TNFSF4: variants seen among roughly 807,000 people sequenced by gnomAD.
TNFSF4 encodes tumor necrosis factor ligand superfamily member 4.
A neutral mutation model predicts 7.3 loss-of-function variants in TNFSF4; 4 were observed. The ratio of observed to expected loss-of-function variants is 0.55; its 90% CI spans 0.27 to 1.25. The LOEUF is 1.25. Among genes scored for constraint, TNFSF4 ranks in the 50% most tolerant of loss-of-function variants. The pLI is 0.12. For missense variants in TNFSF4, 181 were observed against 208.8 expected (o/e 0.87, Z 0.82); for synonymous variants, 76 against 83.7 (o/e 0.91, Z 0.50).
the TNFSF4 span, chr1:173,442,067 A>G: frequency 2.0e-5 from 3 of 152,244 alleles, no homozygotes; most frequent in South Asian, 4.1e-4. Context: ...TAAGAAGCCA[A>G]TGTTGTGCTG....
chr1:173,242,925 T>C, the TNFSF4 span, among the ~76,000 whole-genome samples: 1 of 142,374 alleles, frequency 7.0e-6, no homozygotes, highest in Non-Finnish European at 1.5e-5. Flanking sequence ...TTTGTTATAT[T>C]AGAAAGCTAA....
chr1:173,346,416 T>C, the TNFSF4 span, among the ~76,000 whole-genome samples: 1 of 152,010 alleles, frequency 6.6e-6, no homozygotes, highest in African/African-American at 2.4e-5. Flanking sequence ...AAAGGAGAGG[T>C]CTAAAATAAA....
the TNFSF4 span, among the ~76,000 whole-genome samples, chr1:173,322,297 G>T: frequency 6.6e-6 from 1 of 152,062 alleles, no homozygotes; most frequent in African/African-American, 2.4e-5. Context: ...GAAGCGTCTA[G>T]GTTTTAAGCC....
the TNFSF4 span, among the ~76,000 whole-genome samples, chr1:173,261,372 G>C: frequency 6.6e-6 from 1 of 152,108 alleles, no homozygotes; most frequent in South Asian, 2.1e-4. Flanking sequence ...ATATCAAAAA[G>C]CTAGAAAGAT....
At chr1:173,288,184 A>AATAG in the TNFSF4 span, among the ~76,000 whole-genome samples, 2 of 152,150 alleles carry the variant, frequency 1.3e-5, no homozygotes, top group African/African-American at 4.8e-5. Context: ...GGTGGCTTGC[A>AATAG]CCTGTAATCC....
chr1:173,347,459 G>C, the TNFSF4 span, among the ~76,000 whole-genome samples: 1 of 152,126 alleles, frequency 6.6e-6, no homozygotes, highest in African/African-American at 2.4e-5. Context: ...GCCACACACT[G>C]GGAATGAGAC....
At chr1:173,241,952 A>T in the TNFSF4 span, among the ~76,000 whole-genome samples, 1 of 152,236 alleles carries the variant, frequency 6.6e-6, no homozygotes, top group Non-Finnish European at 1.5e-5. Flanking sequence ...GACATCTGAC[A>T]AGAGTAGGGG....
the TNFSF4 span, among the ~76,000 whole-genome samples, chr1:173,364,097 A>G: frequency 6.6e-6 from 1 of 152,082 alleles, no homozygotes; most frequent in Non-Finnish European, 1.5e-5. Flanking sequence ...GTGTACAAAG[A>G]TATTTTTATG....
chr1:173,291,619 C>T, the TNFSF4 span, among the ~76,000 whole-genome samples: 2 of 152,032 alleles, frequency 1.3e-5, no homozygotes, highest in African/African-American at 2.4e-5. Flanking sequence ...CAACCACAAA[C>T]ATAGCTTAAG....
chr1:173,359,396 C>T, the TNFSF4 span, among the ~76,000 whole-genome samples: 603 of 145,240 alleles, frequency 4.2e-3, 3 homozygotes, highest in African/African-American at 0.014. Flanking sequence ...GATTTTAAAA[C>T]ACAGTTCTTA....
the TNFSF4 span, among the ~76,000 whole-genome samples, chr1:173,410,322 C>G: frequency 6.6e-6 from 1 of 152,190 alleles, no homozygotes; most frequent in African/African-American, 2.4e-5. Flanking sequence ...ATGTCTGACA[C>G]CCACAAACCA....
At chr1:173,450,264 T>C in the TNFSF4 span, among the ~76,000 whole-genome samples, 6 of 152,170 alleles carry the variant, frequency 3.9e-5, no homozygotes, top group African/African-American at 4.8e-5. Flanking sequence ...TATATATGTA[T>C]GTATAACTTT....
At chr1:173,311,702 A>G in the TNFSF4 span, among the ~76,000 whole-genome samples, 1 of 152,058 alleles carries the variant, frequency 6.6e-6, no homozygotes, top group South Asian at 2.1e-4. Context: ...TCAACCAGGT[A>G]GAGCATACCA....
At chr1:173,368,253 C>A in the TNFSF4 span, among the ~76,000 whole-genome samples, 1 of 152,112 alleles carries the variant, frequency 6.6e-6, no homozygotes. Context: ...TTTCACTCTT[C>A]ACAATAAACT....
chr1:173,306,347 T>C, the TNFSF4 span, among the ~76,000 whole-genome samples: 1 of 137,268 alleles, frequency 7.3e-6, no homozygotes, highest in Non-Finnish European at 1.7e-5. Flanking sequence ...TGAGAAAAGA[T>C]GGGGGTAATC....
At chr1:173,315,921 T>C in the TNFSF4 span, among the ~76,000 whole-genome samples, 1 of 152,222 alleles carries the variant, frequency 6.6e-6, no homozygotes, top group South Asian at 2.1e-4. Flanking sequence ...TTTGCTTATT[T>C]TTGCTTTTGC....
the TNFSF4 span, among the ~76,000 whole-genome samples, chr1:173,373,887 CAA>C: frequency 6.6e-6 from 1 of 152,144 alleles, no homozygotes; most frequent in African/African-American, 2.4e-5. Flanking sequence ...TGAGCTTCCC[CAA>C]AGATTATAAA....
intron 1 of TNFSF4, among the ~76,000 whole-genome samples, chr1:173,199,573 A>G (rs902418839): frequency 2.0e-5 from 3 of 152,200 alleles, no homozygotes; most frequent in Non-Finnish European, 2.9e-5. Flanking sequence ...GAAGCAAGGA[A>G]GGATTCTTCT....
chr1:173,342,854 T>C, the TNFSF4 span, among the ~76,000 whole-genome samples: 1 of 152,168 alleles, frequency 6.6e-6, no homozygotes. Flanking sequence ...AAGTGATCGT[T>C]TGGTAGTGGT....
Sources: allele counts gnomAD v4.1 joint callset (sites outside exome capture counted in the v4.1 genomes callset), GRCh38; gene constraint gnomAD v4.1.1; transcripts MANE v1.5; gene names NCBI Gene and HGNC (gene_info 2026-07-23, HGNC 2026-07-21).